ATP8A2: variants seen among roughly 807,000 people sequenced by gnomAD.
ATP8A2 encodes the protein ATPase phospholipid transporting 8A2.
A neutral mutation model predicts 165.6 loss-of-function variants in ATP8A2; 100 were observed. That is an observed-to-expected ratio of 0.60 (90% CI 0.51 to 0.71). The LOEUF is 0.71. Ranked by LOEUF, ATP8A2 falls within the 30% of genes least tolerant of loss-of-function variation. ATP8A2 has a pLI of 0.00. For synonymous variants in ATP8A2, 543 were observed against 548.8 expected (o/e 0.99, Z 0.15); for missense variants, 1,227 against 1,479.5 (o/e 0.83, Z 2.80).
chr13:25,860,822 T>A lies in ATP8A2; in HGVS notation c.3037T>A (p.Cys1013Ser). The A allele has an allele frequency of 6.3e-7, 1 of 1,598,148 alleles. No individual in the cohort carries two copies. The highest frequency in any genetic ancestry group is 8.5e-7 in the Non-Finnish European group (1 of 1,170,270). Reference protein sequence around the residue: ...IVYTYVVVTVCLKAGLETTAW... With the variant: ...IVYTYVVVTVSLKAGLETTAW... ...TTCACAGTATGTTGTTGTTACTGTT[T>A]GTCTGAAAGCTGGTTTGGAGACCAC... Residue 1013 changes from cysteine to serine, a missense_variant, in exon 32 of 37, where the codon TGT becomes AGT. Physicochemically the swap from Cys to Ser is moderately radical, Grantham distance 112. Coordinates refer to ENST00000381655, the MANE Select transcript of ATP8A2 (RefSeq NM_016529.6).
intron 25 of ATP8A2, among the ~76,000 whole-genome samples, chr13:25,701,765 C>CTT (rs1212878741): frequency 1.4e-5 from 2 of 143,098 alleles, no homozygotes; most frequent in Non-Finnish European, 3.1e-5. Context: ...CACACACACA[C>CTT]ACTTTTTTCC....
chr13:25,690,293 C>T (rs1262913885), intron 24 of ATP8A2, among the ~76,000 whole-genome samples: 2 of 151,984 alleles, frequency 1.3e-5, no homozygotes, highest in African/African-American at 4.8e-5. Context: ...AACAGCATGG[C>T]CAGTTTTCTC....
chr13:25,486,263 G>A (rs983245470), intron 2 of ATP8A2, among the ~76,000 whole-genome samples: 1 of 152,116 alleles, frequency 6.6e-6, no homozygotes, highest in Non-Finnish European at 1.5e-5. Flanking sequence ...TTCAGTGCTG[G>A]TGTTTGCCAT....
chr13:25,760,870 T>C (rs1319463219), intron 25 of ATP8A2, among the ~76,000 whole-genome samples: 1 of 152,224 alleles, frequency 6.6e-6, no homozygotes, highest in Non-Finnish European at 1.5e-5. Flanking sequence ...ACCTTAGTAT[T>C]TTTGAGAAAT....
chr13:25,695,190 T>C (rs1342835570), intron 24 of ATP8A2, among the ~76,000 whole-genome samples: 1 of 152,024 alleles, frequency 6.6e-6, no homozygotes, highest in Non-Finnish European at 1.5e-5. Context: ...GGTACTGTAC[T>C]CTATTAAGTG....
At chr13:25,602,540 T>C (rs1247450262) in intron 24 of ATP8A2, among the ~76,000 whole-genome samples, 16 of 152,186 alleles carry the variant, frequency 1.1e-4, no homozygotes, top group Admixed American at 1.0e-3. Context: ...TAAAATTGTA[T>C]GATCACCCTG....
intron 33 of ATP8A2, among the ~76,000 whole-genome samples, chr13:25,879,830 TAGG>T (rs1311689997): frequency 2.0e-5 from 3 of 152,180 alleles, no homozygotes; most frequent in Admixed American, 1.3e-4. Context: ...GGGAAAGAGT[TAGG>T]AGGAAAATCC....
chr13:25,567,945 G>T (rs1008941170), intron 16 of ATP8A2, among the ~76,000 whole-genome samples: 1 of 152,202 alleles, frequency 6.6e-6, no homozygotes, highest in East Asian at 1.9e-4. Context: ...GAGGGAAGAA[G>T]TATTTGAGGA....
intron 2 of ATP8A2, among the ~76,000 whole-genome samples, chr13:25,469,517 GCTT>G (rs1414103546): frequency 6.6e-6 from 1 of 152,072 alleles, no homozygotes; most frequent in African/African-American, 2.4e-5. Context: ...TGGGGGACGT[GCTT>G]CATAAGGGAA....
chr13:25,457,859 C>G (rs1332899353), intron 1 of ATP8A2, among the ~76,000 whole-genome samples: 6 of 152,208 alleles, frequency 3.9e-5, no homozygotes, highest in Admixed American at 3.3e-4. Context: ...AGCCATCCTA[C>G]TGGGGAAGTC....
chr13:25,726,722 A>G (rs146737108), intron 25 of ATP8A2, among the ~76,000 whole-genome samples: 1 of 152,140 alleles, frequency 6.6e-6, no homozygotes, highest in Non-Finnish European at 1.5e-5. Context: ...CACCTAAAGT[A>G]ACATTTATAG....
chr13:25,816,646 C>A (rs1951028273), intron 27 of ATP8A2, among the ~76,000 whole-genome samples: 1 of 152,220 alleles, frequency 6.6e-6, no homozygotes, highest in Non-Finnish European at 1.5e-5. Flanking sequence ...TTTGCAACTC[C>A]TACCCATAGC....
chr13:25,553,502 A>G (rs1425618067), intron 11 of ATP8A2, among the ~76,000 whole-genome samples: 2 of 152,142 alleles, frequency 1.3e-5, no homozygotes, highest in Non-Finnish European at 2.9e-5. Context: ...TCTGTTCTTC[A>G]AAACTTGAAA....
chr13:25,786,078 C>T (rs942843759), intron 27 of ATP8A2, among the ~76,000 whole-genome samples: 12 of 152,092 alleles, frequency 7.9e-5, no homozygotes, highest in Non-Finnish European at 1.3e-4. Flanking sequence ...GAATGCAATT[C>T]GTCATTTTTT....
chr13:25,479,626 A>G (rs2036100072), intron 2 of ATP8A2, among the ~76,000 whole-genome samples: 1 of 151,952 alleles, frequency 6.6e-6, no homozygotes, highest in South Asian at 2.1e-4. Context: ...TCCTAGGCAG[A>G]GGACCCTGAG....
At chr13:25,634,057 T>C (rs538525007) in intron 24 of ATP8A2, among the ~76,000 whole-genome samples, 3 of 152,266 alleles carry the variant, frequency 2.0e-5, no homozygotes, top group Admixed American at 2.0e-4. Context: ...AATTGACTAT[T>C]AAGAGTGATA....
chr13:25,791,453 A>T (rs1164434764), intron 27 of ATP8A2, among the ~76,000 whole-genome samples: 2 of 151,974 alleles, frequency 1.3e-5, no homozygotes, highest in Non-Finnish European at 2.9e-5. Context: ...TACCTGGGTG[A>T]TATAATCTGT....
At chr13:25,779,190 T>C (rs567922996) in intron 27 of ATP8A2, among the ~76,000 whole-genome samples, 2 of 152,084 alleles carry the variant, frequency 1.3e-5, no homozygotes, top group South Asian at 4.2e-4. Flanking sequence ...CAAAAATGTA[T>C]AAGGACAGAT....
chr13:25,895,458 C>T (rs1301239161), intron 33 of ATP8A2, among the ~76,000 whole-genome samples: 1 of 152,196 alleles, frequency 6.6e-6, no homozygotes. Context: ...AGGATTTTTG[C>T]ATCAATGTTC....
Sources: allele counts gnomAD v4.1 joint callset (sites outside exome capture counted in the v4.1 genomes callset), GRCh38; gene constraint gnomAD v4.1.1; transcripts MANE v1.5; gene names NCBI Gene and HGNC (gene_info 2026-07-23, HGNC 2026-07-21).